CCSER1: variants seen among roughly 807,000 people sequenced by gnomAD.
CCSER1 encodes coiled-coil serine rich protein 1, also known as serine-rich coiled-coil domain-containing protein 1.
CCSER1 carries 41 observed loss-of-function variants against 82.0 expected under a neutral mutation model. That is an observed-to-expected ratio of 0.50 (90% confidence interval 0.39 to 0.65). The LOEUF is 0.65. CCSER1 is among the 30% of genes least tolerant of loss of function. CCSER1 has a pLI of 0.00. For missense variants in CCSER1, 1,119 were observed against 1,064.2 expected (o/e 1.05, Z -0.72); for synonymous variants, 414 against 383.9 (o/e 1.08, Z -0.92).
At chr4:90,905,902 A>T (rs1463741565) in intron 8 of CCSER1, among the ~76,000 whole-genome samples, 1 of 152,188 alleles carries the variant, frequency 6.6e-6, no homozygotes. Flanking sequence ...AATATGCAAA[A>T]TAATACAATG....
At chr4:90,304,376 C>T (rs376023429) in intron 1 of CCSER1, among the ~76,000 whole-genome samples, 5 of 152,222 alleles carry the variant, frequency 3.3e-5, no homozygotes, top group Admixed American at 2.0e-4. Flanking sequence ...TTATTCACAA[C>T]AGCAAAGACT....
chr4:90,135,350 AAAC>A lies in CCSER1; in HGVS notation c.-42+7526_-42+7528del, dbSNP rs373140067. ...TGAGCAAGACCCCCCCTTTGAAAAA[AAAC>A]AACAACTGGGATCCTGCCTCTGAAA... On this transcript the variant is annotated intron_variant, in intron 1 of 10. Transcript: ENST00000509176. Among the ~76,000 whole-genome samples the A allele has an allele frequency of 1.8e-3, 279 of 152,246 alleles. 2 individuals are homozygous for A. Among genetic ancestry groups the A allele is most frequent in the African/African-American group, 5.8e-3 (240 of 41,546 alleles).
At chr4:91,577,835 G>A (rs1438050867) in intron 10 of CCSER1, among the ~76,000 whole-genome samples, 1 of 151,828 alleles carries the variant, frequency 6.6e-6, no homozygotes, top group Non-Finnish European at 1.5e-5. Context: ...CTCTTATTAT[G>A]TGCATACATT....
intron 10 of CCSER1, among the ~76,000 whole-genome samples, chr4:91,158,536 T>C (rs1403529339): frequency 6.6e-6 from 1 of 151,992 alleles, no homozygotes; most frequent in Admixed American, 6.6e-5. Context: ...CATAGTATAA[T>C]TTTGTGGTTA....
intron 1 of CCSER1, among the ~76,000 whole-genome samples, chr4:90,223,598 T>A (rs181898289): frequency 1.3e-5 from 2 of 152,296 alleles, no homozygotes; most frequent in East Asian, 3.9e-4. Flanking sequence ...CAGAGGTAGA[T>A]TTGGCATCAG....
At chr4:90,316,867 A>T (rs1404813802) in intron 3 of CCSER1, among the ~76,000 whole-genome samples, 1 of 152,206 alleles carries the variant, frequency 6.6e-6, no homozygotes, top group East Asian at 1.9e-4. Context: ...GCCGAGAACA[A>T]ATTGGGATTG....
At chr4:90,705,657 C>T (rs1739187815) in intron 6 of CCSER1, among the ~76,000 whole-genome samples, 1 of 152,188 alleles carries the variant, frequency 6.6e-6, no homozygotes, top group South Asian at 2.1e-4. Context: ...TTTACCTACT[C>T]AAGCCTCAGC....
intron 10 of CCSER1, among the ~76,000 whole-genome samples, chr4:91,399,881 C>A (rs57549184): frequency 2.6e-5 from 4 of 151,978 alleles, no homozygotes; most frequent in Admixed American, 2.6e-4. Flanking sequence ...TTCCTCTGAA[C>A]GTTTTCTGTT....
intron 5 of CCSER1, among the ~76,000 whole-genome samples, chr4:90,468,944 A>G (rs1416085902): frequency 6.6e-6 from 1 of 152,116 alleles, no homozygotes; most frequent in Non-Finnish European, 1.5e-5. Flanking sequence ...GATAAATGTA[A>G]GCTTATGTAG....
rs183789647 is a variant in CCSER1 at position 90,499,477 on chromosome 4, T to G, written c.1724+31123T>G. 5.2e-3 allele frequency among the ~76,000 whole-genome samples: 785 copies of G among 152,330 alleles called. 4 individuals are homozygous for G. The highest frequency in any genetic ancestry group is 9.0e-3 in the Non-Finnish European group (611 of 68,014). Reference sequence around the variant, plus strand: ...ATTTGGGACACTAGTTAATGGTGCTTGAATTAAACTCTTCATTTTTCTTTA... The same window carrying G: ...ATTTGGGACACTAGTTAATGGTGCTGGAATTAAACTCTTCATTTTTCTTTA... On this transcript the variant is annotated intron_variant, in intron 5 of 10. Transcript: ENST00000509176.
intron 10 of CCSER1, among the ~76,000 whole-genome samples, chr4:91,577,381 C>G (rs1156826798): frequency 6.6e-6 from 1 of 151,926 alleles, no homozygotes; most frequent in African/African-American, 2.4e-5. Flanking sequence ...GCCAGGAAGT[C>G]TAAATCACAC....
At chr4:91,442,364 A>C (rs2149407441) in intron 10 of CCSER1, among the ~76,000 whole-genome samples, 1 of 152,164 alleles carries the variant, frequency 6.6e-6, no homozygotes, top group East Asian at 1.9e-4. Flanking sequence ...AAAAACAAGC[A>C]ATGGGGAAAG....
At chr4:90,729,865 G>A (rs1237578777) in intron 7 of CCSER1, among the ~76,000 whole-genome samples, 2 of 152,038 alleles carry the variant, frequency 1.3e-5, no homozygotes, top group Middle Eastern at 3.2e-3. Context: ...TACAGACCGA[G>A]ACTCCATCTC....
intron 9 of CCSER1, among the ~76,000 whole-genome samples, chr4:90,954,480 G>A (rs1309054550): frequency 6.6e-6 from 1 of 151,886 alleles, no homozygotes; most frequent in East Asian, 1.9e-4. Context: ...GATTATATTA[G>A]TGAATCACAA....
At chr4:90,307,866 A>G (rs988119443) in intron 1 of CCSER1, among the ~76,000 whole-genome samples, 1 of 152,170 alleles carries the variant, frequency 6.6e-6, no homozygotes, top group African/African-American at 2.4e-5. Context: ...TATGTCTGTC[A>G]CGTGCCTACT....
At chr4:90,514,446 T>A (rs1181976846) in intron 5 of CCSER1, among the ~76,000 whole-genome samples, 1 of 152,190 alleles carries the variant, frequency 6.6e-6, no homozygotes, top group Admixed American at 6.5e-5. Flanking sequence ...TAGAATGCTA[T>A]GAAGATACAG....
At chr4:91,187,277 A>G (rs1230236539) in intron 10 of CCSER1, among the ~76,000 whole-genome samples, 2 of 152,302 alleles carry the variant, frequency 1.3e-5, no homozygotes, top group Non-Finnish European at 2.9e-5. Context: ...CTATTCGGCC[A>G]TCTTGGCACC....
At chr4:90,600,537 A>ACT (rs1397328425) in intron 5 of CCSER1, among the ~76,000 whole-genome samples, 1 of 151,776 alleles carries the variant, frequency 6.6e-6, no homozygotes, top group South Asian at 2.1e-4. Context: ...AGATTTTAGA[A>ACT]CTCTCTCTAT....
intron 8 of CCSER1, among the ~76,000 whole-genome samples, chr4:90,900,762 A>G (rs962604862): frequency 3.9e-5 from 6 of 151,980 alleles, no homozygotes; most frequent in Non-Finnish European, 7.4e-5. Flanking sequence ...AGAAAAATGT[A>G]TATTCTGCAA....
Sources: allele counts gnomAD v4.1 joint callset (sites outside exome capture counted in the v4.1 genomes callset), GRCh38; gene constraint gnomAD v4.1.1; transcripts MANE v1.5; gene names NCBI Gene and HGNC (gene_info 2026-07-23, HGNC 2026-07-21).